The following SCRG1 variants were observed in gnomAD, a reference collection of about 807,000 sequenced individuals.
The protein encoded by SCRG1 is stimulator of chondrogenesis 1.
A neutral mutation model predicts 7.7 loss-of-function variants in SCRG1; 3 were observed. The ratio of observed to expected loss-of-function variants is 0.39; its 90% CI spans 0.18 to 1.01. The LOEUF (loss-of-function observed/expected upper bound fraction) is 1.01, where lower values mean the gene tolerates loss of function less well. Among genes scored for constraint, SCRG1 ranks in the 50% least tolerant of loss-of-function variants. The pLI, the probability that SCRG1 is intolerant of heterozygous loss-of-function variation, is 0.36. For missense variants in SCRG1, 110 were observed against 117.2 expected, an observed-to-expected ratio of 0.94 and a Z score of 0.28; for synonymous variants, 46 against 41.2, an observed-to-expected ratio of 1.12 and a Z score of -0.44.
At chr4:173,468,668 G>A in the SCRG1 span, 1 of 152,168 alleles carries the variant, frequency 6.6e-6, no homozygotes, top group Non-Finnish European at 1.5e-5. Flanking sequence ...GTTCTATCAT[G>A]TTTGCAATTG....
the SCRG1 span, among the ~76,000 whole-genome samples, chr4:173,483,355 A>ATATAT: frequency 2.7e-5 from 1 of 37,408 alleles, no homozygotes; most frequent in Non-Finnish European, 5.6e-5. Context: ...ATGATATATT[A>ATATAT]TATATTATAT....
intron 1 of SCRG1, among the ~76,000 whole-genome samples, chr4:173,394,864 A>G (rs1427345158): frequency 6.6e-6 from 1 of 152,230 alleles, no homozygotes; most frequent in Non-Finnish European, 1.5e-5. Flanking sequence ...ATGGAATTCA[A>G]CCACCACCAT....
chr4:173,501,029 C>T, the SCRG1 span, among the ~76,000 whole-genome samples: 4 of 152,208 alleles, frequency 2.6e-5, no homozygotes, highest in Admixed American at 2.6e-4. The surrounding 1 kb of genome is among the most constrained non-coding windows in gnomAD (Gnocchi z 5.1). Context: ...CTCCCAGTGG[C>T]TGGGCAAGAG....
chr4:173,483,504 C>CTGATATAAAATATATTATATATTGTATTA, the SCRG1 span, among the ~76,000 whole-genome samples: 128 of 22,478 alleles, frequency 5.7e-3, 8 homozygotes, highest in African/African-American at 0.023. Context: ...ATATTATATT[C>CTGATATAAAATATATTATATATTGTATTA]TGATATATAA....
At chr4:173,483,021 T>C in the SCRG1 span, among the ~76,000 whole-genome samples, 2,602 of 128,528 alleles carry the variant, frequency 0.02, 98 homozygotes, top group African/African-American at 0.064. Flanking sequence ...TTATATAATT[T>C]ATATGTAATA....
chr4:173,487,814 C>T, the SCRG1 span, among the ~76,000 whole-genome samples: 1,175 of 151,866 alleles, frequency 7.7e-3, 15 homozygotes, highest in East Asian at 0.025. Flanking sequence ...TAGAAATGGC[C>T]TATTTTGGCT....
chr4:173,472,269 A>G, the SCRG1 span, among the ~76,000 whole-genome samples: 1 of 152,266 alleles, frequency 6.6e-6, no homozygotes, highest in East Asian at 1.9e-4. Context: ...TTTCTTTACC[A>G]GTTTTATCTC....
chr4:173,459,264 C>A, the SCRG1 span, among the ~76,000 whole-genome samples: 1 of 152,174 alleles, frequency 6.6e-6, no homozygotes, highest in Non-Finnish European at 1.5e-5. Context: ...CAAATGGACC[C>A]AACAGGCATT....
At chr4:173,491,330 T>C in the SCRG1 span, among the ~76,000 whole-genome samples, 638 of 151,978 alleles carry the variant, frequency 4.2e-3, 7 homozygotes, top group African/African-American at 0.014. Context: ...CTTCTCTGTA[T>C]CGTTGCTGAC....
At chr4:173,424,182 A>C in the SCRG1 span, among the ~76,000 whole-genome samples, 1 of 152,194 alleles carries the variant, frequency 6.6e-6, no homozygotes, top group Non-Finnish European at 1.5e-5. Context: ...TTTAGGGAAA[A>C]ACTTGAGCAG....
At chr4:173,409,312 C>G (rs1739989335), upstream of SCRG1, among the ~76,000 whole-genome samples, 2 of 152,092 alleles carry the variant, frequency 1.3e-5, no homozygotes, top group African/African-American at 4.8e-5. Flanking sequence ...GGGAAATCTT[C>G]CTTCTACCTC....
chr4:173,455,861 G>A, the SCRG1 span, among the ~76,000 whole-genome samples: 8 of 152,124 alleles, frequency 5.3e-5, no homozygotes, highest in East Asian at 1.9e-4. Flanking sequence ...GGGAGCAGTC[G>A]AAGGAATAGG....
chr4:173,481,602 G>C, the SCRG1 span, among the ~76,000 whole-genome samples: 1 of 151,558 alleles, frequency 6.6e-6, no homozygotes, highest in Non-Finnish European at 1.5e-5. Flanking sequence ...CACCTCTTCC[G>C]CCTCTGCCAC....
At chr4:173,395,047 C>T (rs1428207191) in intron 1 of SCRG1, among the ~76,000 whole-genome samples, 2 of 152,210 alleles carry the variant, frequency 1.3e-5, no homozygotes, top group African/African-American at 4.8e-5. Context: ...GCTCTCTCTA[C>T]CAGGAATGTT....
At chr4:173,452,229 T>G in the SCRG1 span, among the ~76,000 whole-genome samples, 4 of 77,052 alleles carry the variant, frequency 5.2e-5, no homozygotes, top group Non-Finnish European at 1.1e-4. Context: ...GAGTGAGACT[T>G]CATCTCAAAG....
chr4:173,499,558 C>A, the SCRG1 span, among the ~76,000 whole-genome samples: 565 of 152,290 alleles, frequency 3.7e-3, 1 homozygote, highest in African/African-American at 7.5e-3. This position sits in a 1 kb window ranked among gnomAD's most constrained non-coding sequence, Gnocchi z 4.1. Flanking sequence ...TCAGTATATT[C>A]TTCAGTAAAT....
upstream of SCRG1, among the ~76,000 whole-genome samples, chr4:173,403,530 G>T (rs1739817714): frequency 6.6e-6 from 1 of 152,070 alleles, no homozygotes. Context: ...AGACTGTAAG[G>T]TTACTCATGT....
At chr4:173,492,983 C>T in the SCRG1 span, among the ~76,000 whole-genome samples, 1 of 152,146 alleles carries the variant, frequency 6.6e-6, no homozygotes, top group Non-Finnish European at 1.5e-5. Flanking sequence ...AGTCACAGGC[C>T]TTAGTGGACT....
chr4:173,430,284 C>A, the SCRG1 span, among the ~76,000 whole-genome samples: 3,263 of 152,204 alleles, frequency 0.021, 121 homozygotes, highest in African/African-American at 0.071. Context: ...TGCTCTCACT[C>A]AGGTTTAGGG....
Sources: allele counts gnomAD v4.1 joint callset (sites outside exome capture counted in the v4.1 genomes callset), GRCh38; gene constraint gnomAD v4.1.1; non-coding constraint Gnocchi (gnomAD v3.1); transcripts MANE v1.5; gene names NCBI Gene and HGNC (gene_info 2026-07-23, HGNC 2026-07-21).